Variants in FHL2 observed in about 807,000 individuals in gnomAD.
The protein encoded by FHL2 is four and a half LIM domains 2, also known as four and a half LIM domains protein 2.
A neutral mutation model predicts 32.7 loss-of-function variants in FHL2; 20 were observed. The ratio of observed to expected loss-of-function variants is 0.61; its 90% CI spans 0.43 to 0.89. The LOEUF (loss-of-function observed/expected upper bound fraction) is 0.89, where lower values mean the gene tolerates loss of function less well. Ranked by LOEUF, FHL2 falls within the 40% of genes least tolerant of loss-of-function variation. The pLI is 0.00. For synonymous variants in FHL2, 123 were observed against 128.1 expected, an observed-to-expected ratio of 0.96 and a Z score of 0.27; for missense variants, 311 against 358.6, an observed-to-expected ratio of 0.87 and a Z score of 1.07.
At chr2:105,382,524 A>T (rs1321492895) in intron 3 of FHL2, among the ~76,000 whole-genome samples, 1 of 152,234 alleles carries the variant, frequency 6.6e-6, no homozygotes, top group Non-Finnish European at 1.5e-5. Flanking sequence ...TGGAATGAAA[A>T]AAGTTCCTAC....
chr2:105,425,901 C>T (rs1037882144), intron 1 of FHL2, among the ~76,000 whole-genome samples: 7 of 152,174 alleles, frequency 4.6e-5, no homozygotes, highest in South Asian at 2.1e-4. Flanking sequence ...ATTCAGAGGC[C>T]GGTGCCGGTG....
chr2:105,362,892 T>G (rs1206753128), intron 6 of FHL2: 2 of 168,768 alleles, frequency 1.2e-5, no homozygotes, highest in Non-Finnish European at 2.5e-5. Context: ...TAAGATGTTT[T>G]GGAGTACAAC....
chr2:105,431,450 T>G (rs1174415138), intron 1 of FHL2, among the ~76,000 whole-genome samples: 1 of 152,200 alleles, frequency 6.6e-6, no homozygotes, highest in African/African-American at 2.4e-5. Context: ...TGGGTATGAA[T>G]GAAGGAAGGA....
chr2:105,416,191 G>A (rs576508189), intron 1 of FHL2, among the ~76,000 whole-genome samples: 10 of 152,252 alleles, frequency 6.6e-5, no homozygotes, highest in East Asian at 1.9e-4. Flanking sequence ...CATTAAATCC[G>A]TAACAGGTAA....
intron 2 of FHL2, among the ~76,000 whole-genome samples, chr2:105,388,261 A>T (rs1682463803): frequency 6.6e-6 from 1 of 152,144 alleles, no homozygotes; most frequent in African/African-American, 2.4e-5. Context: ...AACCTAAAAT[A>T]AAAGTTTAAA....
At chr2:105,420,934 C>T (rs2104668367) in intron 1 of FHL2, among the ~76,000 whole-genome samples, 1 of 152,308 alleles carries the variant, frequency 6.6e-6, no homozygotes, top group South Asian at 2.1e-4. Context: ...GAACCAAGTA[C>T]CGGTCTATGG....
intron 1 of FHL2, among the ~76,000 whole-genome samples, chr2:105,411,071 C>G (rs1234678696): frequency 6.6e-6 from 1 of 152,148 alleles, no homozygotes; most frequent in African/African-American, 2.4e-5. Flanking sequence ...GAGAGGGAAA[C>G]AGTAATATGA....
chr2:105,374,723 G>A (rs1037848527), intron 3 of FHL2, among the ~76,000 whole-genome samples: 2 of 152,170 alleles, frequency 1.3e-5, no homozygotes, highest in Admixed American at 1.3e-4. Context: ...TTTTAAAAAT[G>A]ACATACGGCA....
At chr2:105,386,868 G>A (rs1682363505) in intron 2 of FHL2, among the ~76,000 whole-genome samples, 1 of 145,854 alleles carries the variant, frequency 6.9e-6, no homozygotes, top group African/African-American at 2.6e-5. Flanking sequence ...AGGTTCAAGT[G>A]ATTCTCCTGC....
rs765161574 is a variant in FHL2, at chr2:105,396,708, C to G, written c.-75-11G>C. ...CACAGTTCTCAGCCACTAGAGAAAG[C>G]ACACGTGTTTTGTTTCAGATGGTCA... is the stretch of plus-strand genomic sequence containing the variant. On this transcript the variant is annotated splice_polypyrimidine_tract_variant and intron_variant, in intron 1 of 6. Transcript: ENST00000530340. 2.8e-5 allele frequency: 45 copies of G among 1,612,360 alleles called. No homozygotes were observed. The highest frequency in any genetic ancestry group is 2.3e-5 in the Non-Finnish European group (27 of 1,179,724).
intron 2 of FHL2, among the ~76,000 whole-genome samples, chr2:105,392,663 G>T (rs1682810175): frequency 6.6e-6 from 1 of 151,958 alleles, no homozygotes; most frequent in African/African-American, 2.4e-5. Context: ...TATGAGTGGG[G>T]AAAGTATCAA....
chr2:105,364,652 G>A (rs3792058), intron 5 of FHL2, among the ~76,000 whole-genome samples: 21,225 of 152,212 alleles, frequency 0.14, 1,818 homozygotes, highest in South Asian at 0.24. Context: ...CTTGGCAAAC[G>A]AAGGCTGTGG....
At chr2:105,364,248 T>C (rs1680482119) in intron 5 of FHL2, among the ~76,000 whole-genome samples, 1 of 146,286 alleles carries the variant, frequency 6.8e-6, no homozygotes, top group African/African-American at 2.5e-5. Flanking sequence ...AGAGTGAGAC[T>C]GTCTCAAAAA....
At chr2:105,419,809 G>A (rs564394247) in intron 1 of FHL2, among the ~76,000 whole-genome samples, 5 of 152,164 alleles carry the variant, frequency 3.3e-5, no homozygotes, top group Admixed American at 6.5e-5. Flanking sequence ...AGATTTGTCT[G>A]TCTTTTCTCC....
intron 1 of FHL2, among the ~76,000 whole-genome samples, chr2:105,409,504 A>G (rs749639095): frequency 1.2e-4 from 18 of 152,188 alleles, no homozygotes; most frequent in South Asian, 2.1e-4. Context: ...CCCCAAGTTA[A>G]TAGTAAATTT....
intron 1 of FHL2, among the ~76,000 whole-genome samples, chr2:105,422,629 A>G (rs1255447507): frequency 7.1e-6 from 1 of 141,584 alleles, no homozygotes; most frequent in African/African-American, 2.7e-5. Context: ...GTTGTGACAG[A>G]TGTGATTCAT....
intron 1 of FHL2, among the ~76,000 whole-genome samples, chr2:105,408,111 A>C (rs555102931): frequency 1.4e-4 from 21 of 152,318 alleles, no homozygotes; most frequent in Admixed American, 9.1e-4. Context: ...CCTACTTGCC[A>C]TGACAACAAC....
At chr2:105,359,050 T>G (rs1309099681), downstream of FHL2, 2 of 152,236 alleles carry the variant, frequency 1.3e-5, no homozygotes, top group African/African-American at 4.8e-5. Flanking sequence ...CGTTCTCTTC[T>G]TCCAAGTGTC....
At chr2:105,361,478 T>G in intron 6 of FHL2, 44 bp from the exon 7 acceptor site, 2 of 1,560,438 alleles carry the variant, frequency 1.3e-6, no homozygotes, top group Non-Finnish European at 1.8e-6. Flanking sequence ...AAAGTTAGAA[T>G]CAGGCAACTG....
Sources: allele counts gnomAD v4.1 joint callset (sites outside exome capture counted in the v4.1 genomes callset), GRCh38; gene constraint gnomAD v4.1.1; transcripts MANE v1.5; gene names NCBI Gene and HGNC (gene_info 2026-07-23, HGNC 2026-07-21).